LPP: variants seen among roughly 807,000 people sequenced by gnomAD.
LPP encodes the protein LIM domain containing preferred translocation partner in lipoma.
In LPP, 38 loss-of-function variants were observed where a neutral mutation model predicts 60.4. The observed-to-expected ratio is 0.63, with a 90% CI of 0.49 to 0.83. The LOEUF is 0.83. Among genes scored for constraint, LPP ranks in the 40% least tolerant of loss-of-function variants. The probability of loss-of-function intolerance (pLI) is 0.00; values close to 1 mark genes in which losing one functional copy is unlikely to be tolerated. For synonymous variants in LPP, 328 were observed against 290.8 expected, an observed-to-expected ratio of 1.13 and a Z score of -1.30; for missense variants, 902 against 783.6, an observed-to-expected ratio of 1.15 and a Z score of -1.80.
At chr3:188,840,170 G>T (rs780798322) in intron 9 of LPP, among the ~76,000 whole-genome samples, 1 of 152,038 alleles carries the variant, frequency 6.6e-6, no homozygotes, top group Admixed American at 6.6e-5. Context: ...AGAAACCCAC[G>T]ATTTCTTTCT....
In LPP at chr3:188,876,473, G is replaced by T. The variant is rs1460730701; in HGVS notation, c.*1994G>T. 1.0e-5 allele frequency: 2 copies of T among 199,716 alleles called. No individual in the cohort carries two copies. Among genetic ancestry groups the T allele is most frequent in the African/African-American group, 4.6e-5 (2 of 43,378 alleles). 12.4% of individuals were successfully genotyped at this position (199,716 alleles called of 1,614,324 possible). ...TTTCTCATAATGTGAAATATGATGA[G>T]ATTCACTTAGGGGCAGCATGTTAGT... On this transcript the variant is annotated 3_prime_UTR_variant, in exon 12 of 12. Transcript: ENST00000617246.
At chr3:188,340,265 G>T (rs1762688658) in intron 2 of LPP, among the ~76,000 whole-genome samples, 1 of 152,086 alleles carries the variant, frequency 6.6e-6, no homozygotes, top group South Asian at 2.1e-4. Flanking sequence ...GTTATAAAGG[G>T]AATGGTTTGA....
chr3:188,488,227 G>A (rs528925181), intron 5 of LPP, among the ~76,000 whole-genome samples: 28 of 152,160 alleles, frequency 1.8e-4, no homozygotes, highest in Admixed American at 3.9e-4. Flanking sequence ...AGGGTTACAC[G>A]TTTTTATTTG....
chr3:188,239,774 A>T (rs939972459), intron 2 of LPP: 1 of 215,748 alleles, frequency 4.6e-6, no homozygotes, highest in African/African-American at 2.2e-5. Flanking sequence ...TTACTGCACT[A>T]TTAGTATTGA....
At chr3:188,265,549 A>T (rs1055386388) in intron 2 of LPP, among the ~76,000 whole-genome samples, 14 of 152,186 alleles carry the variant, frequency 9.2e-5, no homozygotes, top group African/African-American at 2.7e-4. Flanking sequence ...CGCTGTGAGA[A>T]GGCAAGGTGT....
rs556352489 is a variant in LPP, at chr3:188,863,237, T to C, written c.1411-2963T>C. ...GAGTTTGAATTAATCATTTTTCAAA[T>C]GAGAAAACTGAGATCGAAGGAATAA... On this transcript the variant is annotated intron_variant, in intron 9 of 11. Coordinates refer to ENST00000617246, the MANE Select transcript of LPP (RefSeq NM_001375462.1). 2.0e-5 allele frequency among the ~76,000 whole-genome samples: 3 copies of C among 152,360 alleles called. No homozygotes were observed. The East Asian group carries it at 5.8e-4, about 29-fold the overall frequency.
chr3:188,515,647 G>GT (rs1817144766), intron 5 of LPP, among the ~76,000 whole-genome samples: 1 of 152,134 alleles, frequency 6.6e-6, no homozygotes, highest in South Asian at 2.1e-4. Flanking sequence ...ATGCTCTAGT[G>GT]TTTGCTCCCA....
At chr3:188,290,900 C>T (rs1160144907) in intron 2 of LPP, among the ~76,000 whole-genome samples, 1 of 152,172 alleles carries the variant, frequency 6.6e-6, no homozygotes, top group African/African-American at 2.4e-5. Context: ...CTGCACATGC[C>T]TGGGTCTGTC....
chr3:188,824,013 A>G (rs1023948802), intron 9 of LPP, among the ~76,000 whole-genome samples: 7 of 152,198 alleles, frequency 4.6e-5, no homozygotes, highest in South Asian at 2.1e-4. Context: ...GATTTTACTT[A>G]TAATAATCCA....
At chr3:188,240,231 T>C (rs563574409) in intron 2 of LPP, 2 of 176,370 alleles carry the variant, frequency 1.1e-5, no homozygotes, top group Admixed American at 6.3e-5. Context: ...AAAAATCCTT[T>C]TGGTATCAAA....
chr3:188,271,029 G>A (rs769635577), intron 2 of LPP, among the ~76,000 whole-genome samples: 2 of 152,130 alleles, frequency 1.3e-5, no homozygotes, highest in African/African-American at 4.8e-5. Flanking sequence ...AATTTTGCCC[G>A]AGATTTTCCA....
chr3:188,447,683 G>C (rs748655969), intron 4 of LPP, among the ~76,000 whole-genome samples: 3 of 150,934 alleles, frequency 2.0e-5, no homozygotes, highest in Non-Finnish European at 4.4e-5. Context: ...GCTGATGCAG[G>C]AGAATCACTT....
chr3:188,634,010 G>A (rs189266687), intron 7 of LPP, among the ~76,000 whole-genome samples: 32 of 127,502 alleles, frequency 2.5e-4, no homozygotes, highest in Admixed American at 1.2e-3. Flanking sequence ...TCAGTCTGTC[G>A]GTCAACACAA....
chr3:188,265,183 A>G (rs949987384), intron 2 of LPP, among the ~76,000 whole-genome samples: 1 of 152,144 alleles, frequency 6.6e-6, no homozygotes, highest in African/African-American at 2.4e-5. Context: ...CAGATTTTTC[A>G]GCTATTGTTG....
chr3:188,214,519 G>A (rs895637786), intron 1 of LPP, among the ~76,000 whole-genome samples: 31 of 152,220 alleles, frequency 2.0e-4, no homozygotes, highest in African/African-American at 7.2e-4. Flanking sequence ...GTGGCATTAG[G>A]TGGCAGATGT....
intron 1 of LPP, among the ~76,000 whole-genome samples, chr3:188,160,437 G>C (rs552839105): frequency 6.6e-6 from 1 of 151,696 alleles, no homozygotes; most frequent in African/African-American, 2.4e-5. Context: ...CAGGTGATCC[G>C]CTGGCCTTGG....
chr3:188,357,906 C>T (rs1015210910), intron 3 of LPP, among the ~76,000 whole-genome samples: 20 of 152,136 alleles, frequency 1.3e-4, no homozygotes, highest in African/African-American at 4.8e-4. Context: ...GAATTCAGGG[C>T]CTTGTCTGTC....
At position 188,609,882 on chromosome 3, in the gene LPP, G is replaced by T; in HGVS notation, c.1113+38G>T. On this transcript the variant is annotated intron_variant, in intron 7 of 11. Transcript: ENST00000617246. This position sits in a 1 kb window ranked among gnomAD's most constrained non-coding sequence, Gnocchi z 6.9. The stretch of plus-strand genomic sequence containing the variant: ...GTAACATAAGGAGGAGAATACAGGG[G>T]TGCCTATCTTAGTCTGCCTTCCCCA... 6.4e-7 allele frequency: 1 copy of T among 1,557,028 alleles called. No homozygotes were observed.
chr3:188,462,544 T>TTA (rs71167102), intron 4 of LPP, among the ~76,000 whole-genome samples: 1,059 of 33,964 alleles, frequency 0.031, 37 homozygotes, highest in Non-Finnish European at 0.047. Flanking sequence ...TATATGAGCT[T>TTA]TATATATATA....
Sources: gnomAD v4.1 joint callset for allele counts (sites outside exome capture counted in the v4.1 genomes callset) on GRCh38, gnomAD v4.1.1 for gene constraint, Gnocchi (gnomAD v3.1) non-coding constraint, MANE v1.5 for transcripts, NCBI Gene and HGNC (gene_info 2026-07-23, HGNC 2026-07-21) for gene names.